Variants in SLC9C1 observed in about 807,000 individuals in gnomAD.
The protein encoded by SLC9C1 is solute carrier family 9 member C1, also known as sodium/hydrogen exchanger 10.
A neutral mutation model predicts 140.9 loss-of-function variants in SLC9C1; 97 were observed. The ratio of observed to expected loss-of-function variants is 0.69; its 90% confidence interval spans 0.58 to 0.82. The LOEUF (loss-of-function observed/expected upper bound fraction) is 0.82. Among genes scored for constraint, SLC9C1 ranks in the 40% least tolerant of loss-of-function variants. The pLI is 0.00. For missense variants in SLC9C1, 1,340 were observed against 1,389.3 expected, an observed-to-expected ratio of 0.96 and a Z score of 0.56; for synonymous variants, 440 against 442.6, an observed-to-expected ratio of 0.99 and a Z score of 0.07.
chr3:112,267,473 G>A (rs939708682), intron 7 of SLC9C1, among the ~76,000 whole-genome samples: 1 of 151,144 alleles, frequency 6.6e-6, no homozygotes, highest in Non-Finnish European at 1.5e-5. Flanking sequence ...TTACTTGGGA[G>A]GCTGAGGCAG....
chr3:112,173,303 A>T (rs2077278993), intron 23 of SLC9C1, among the ~76,000 whole-genome samples: 1 of 152,124 alleles, frequency 6.6e-6, no homozygotes, highest in Admixed American at 6.6e-5. Flanking sequence ...AGGTTTAAGG[A>T]TAGAAGTGCA....
chr3:112,266,500 A>G (rs1207354197), intron 7 of SLC9C1, among the ~76,000 whole-genome samples, 160 bp from the exon 8 acceptor site: 2 of 152,198 alleles, frequency 1.3e-5, no homozygotes. Context: ...AATTATTACC[A>G]CCACCCCATG....
intron 15 of SLC9C1, among the ~76,000 whole-genome samples, chr3:112,213,080 C>G (rs935084158): frequency 2.0e-5 from 3 of 152,168 alleles, no homozygotes; most frequent in Admixed American, 1.3e-4. Context: ...GAATTTTCAA[C>G]CCAGGATTTC....
At chr3:112,158,101 T>C (rs1471130687) in intron 26 of SLC9C1, among the ~76,000 whole-genome samples, 3 of 151,994 alleles carry the variant, frequency 2.0e-5, no homozygotes, top group Non-Finnish European at 4.4e-5. Flanking sequence ...CAGATCTTAG[T>C]GGAAAAGCTT....
intron 20 of SLC9C1, among the ~76,000 whole-genome samples, chr3:112,192,707 G>A (rs1007872242): frequency 6.6e-6 from 1 of 152,016 alleles, no homozygotes; most frequent in Admixed American, 6.6e-5. Flanking sequence ...TAGAATTTCT[G>A]TCTGGTTCTT....
rs1003975920 is a variant in SLC9C1, at chr3:112,214,386, C to T, written c.1790+3056G>A. 4.3e-4 allele frequency among the ~76,000 whole-genome samples: 65 copies of T among 151,996 alleles called. 1 individual carries two copies. Among genetic ancestry groups the T allele is most frequent in the African/African-American group, 1.3e-3 (53 of 41,480 alleles). The stretch of plus-strand genomic sequence containing the variant: ...AGCAGAACTGAAGGAGATAGAGACA[C>T]GAAAAACCGTTCAAAAAATCAATGA... On this transcript the variant is annotated intron_variant, in intron 15 of 28. Coordinates refer to ENST00000305815, the MANE Select transcript of SLC9C1 (RefSeq NM_183061.3).
intron 27 of SLC9C1, among the ~76,000 whole-genome samples, chr3:112,152,726 G>T (rs1211046491): frequency 1.3e-5 from 2 of 152,076 alleles, no homozygotes; most frequent in Non-Finnish European, 2.9e-5. Context: ...GTGTCCCTGG[G>T]TACTCGAGAC....
intron 6 of SLC9C1, among the ~76,000 whole-genome samples, chr3:112,272,783 C>T (rs1468965244): frequency 6.6e-6 from 1 of 152,032 alleles, no homozygotes; most frequent in Non-Finnish European, 1.5e-5. Context: ...ACAAGGCAAG[C>T]TCTATGGAGG....
At chr3:112,243,238 C>T (rs887926379) in intron 11 of SLC9C1, among the ~76,000 whole-genome samples, 1 of 152,042 alleles carries the variant, frequency 6.6e-6, no homozygotes. Flanking sequence ...GCATTATTCA[C>T]AATAGCAAAG....
chr3:112,194,893 T>C (rs555279314), intron 20 of SLC9C1, among the ~76,000 whole-genome samples: 1 of 151,490 alleles, frequency 6.6e-6, no homozygotes, highest in South Asian at 2.1e-4. Flanking sequence ...ATGAATGATG[T>C]CAAACTCATT....
intron 2 of SLC9C1, among the ~76,000 whole-genome samples, chr3:112,281,617 AG>A (rs1264010059): frequency 3.9e-5 from 6 of 152,268 alleles, no homozygotes; most frequent in Non-Finnish European, 5.9e-5. Context: ...CAAAATATGC[AG>A]GGAAGGAATA....
At chr3:112,189,116 A>G (rs1486074653) in intron 20 of SLC9C1, among the ~76,000 whole-genome samples, 3 of 152,048 alleles carry the variant, frequency 2.0e-5, no homozygotes, top group African/African-American at 7.2e-5. Flanking sequence ...TTCTTTGTAG[A>G]TTCTGGATAT....
intron 16 of SLC9C1, among the ~76,000 whole-genome samples, 174 bp downstream of exon 16, chr3:112,208,004 A>G (rs1353042830): frequency 1.3e-5 from 2 of 152,208 alleles, no homozygotes; most frequent in Non-Finnish European, 2.9e-5. Flanking sequence ...AAGTATGCAT[A>G]TTATCTATTG....
chr3:112,265,271 A>G (rs1477796654), intron 8 of SLC9C1, among the ~76,000 whole-genome samples: 1 of 152,080 alleles, frequency 6.6e-6, no homozygotes, highest in Non-Finnish European at 1.5e-5. Flanking sequence ...ATATTTGAAG[A>G]TCCAGCTTAC....
rs1576490970 is a variant in SLC9C1, at chr3:112,270,154, T to G, written c.614-77A>C. 1.0e-5 allele frequency: 14 copies of G among 1,385,802 alleles called. No homozygotes were observed. In the East Asian group the frequency reaches 3.6e-4, roughly 35 times the overall value. 85.8% of individuals were successfully genotyped at this position (1,385,802 alleles called of 1,614,324 possible). The stretch of plus-strand genomic sequence containing the variant: ...TTTAATTGATATTCCTTGTTAATTT[T>G]CCTTTTTGTCATTATCTTTAAAATT... On this transcript the variant is annotated intron_variant, in intron 6 of 28. Coordinates refer to ENST00000305815, the MANE Select transcript of SLC9C1 (RefSeq NM_183061.3).
Position 112,180,653 on chromosome 3 carries a change from TG to T in SLC9C1, c.2658del (p.Val888LeufsTer2). 1 of 1,612,680 alleles carries T rather than the reference TG, an allele frequency of 6.2e-7. No homozygotes were observed. The highest frequency in any genetic ancestry group is 8.5e-7 in the Non-Finnish European group (1 of 1,179,346). On this transcript the variant is annotated frameshift_variant, in exon 22 of 29. Coordinates refer to ENST00000305815, the MANE Select transcript of SLC9C1 (RefSeq NM_183061.3). LOFTEE classifies it high-confidence loss of function. ...TTTCCACAATCAAATGTTACAACTT[TG>T]GCTTTTTCCTAAAAGATACCACCAA... ...KDYINFIQEK[A>X]KVVTFDCGND...
intron 17 of SLC9C1, among the ~76,000 whole-genome samples, chr3:112,202,972 C>T (rs2077945690): frequency 6.6e-6 from 1 of 151,970 alleles, no homozygotes; most frequent in Admixed American, 6.6e-5. Context: ...TCCACAACCT[C>T]CATACTCTAC....
intron 28 of SLC9C1, among the ~76,000 whole-genome samples, chr3:112,143,422 A>G (rs1205814121): frequency 1.3e-5 from 2 of 152,032 alleles, no homozygotes; most frequent in Non-Finnish European, 2.9e-5. Context: ...TCTTTTTAGT[A>G]AGAGTCATTC....
At chr3:112,233,168 G>C (rs1004508995) in intron 12 of SLC9C1, among the ~76,000 whole-genome samples, 24 of 151,276 alleles carry the variant, frequency 1.6e-4, no homozygotes, top group African/African-American at 5.8e-4. Flanking sequence ...TCCCAGGCTT[G>C]AGTGATCTTC....
Sources: gnomAD v4.1 joint callset for allele counts (sites outside exome capture counted in the v4.1 genomes callset) on GRCh38, gnomAD v4.1.1 for gene constraint, MANE v1.5 for transcripts, NCBI Gene and HGNC (gene_info 2026-07-23, HGNC 2026-07-21) for gene names.